Variants in FBXL4 observed in about 807,000 individuals in gnomAD.
FBXL4 encodes the protein F-box and leucine rich repeat protein 4.
Under a neutral mutation model 58.9 loss-of-function variants are expected in FBXL4, and 40 were observed. That is an observed-to-expected ratio of 0.68 (90% CI 0.53 to 0.88). The LOEUF is 0.88. Among genes scored for constraint, FBXL4 ranks in the 40% least tolerant of loss-of-function variants. The pLI, the probability that FBXL4 is intolerant of heterozygous loss-of-function variation, is 0.00. For synonymous variants in FBXL4, 263 were observed against 265.5 expected (o/e 0.99, Z 0.09); for missense variants, 676 against 734.4 (o/e 0.92, Z 0.92).
rs1293440464 is a variant in FBXL4, at chr6:98,874,271, T to A, written c.*7A>T. On this transcript the variant is annotated 3_prime_UTR_variant, in exon 10 of 10. Transcript: ENST00000369244. The stretch of plus-strand genomic sequence containing the variant: ...CACATTAATTTTAATACAGAACATA[T>A]ATTAAGTCACTGAGTAAAGCTCTTT... 6.4e-7 allele frequency: 1 copy of A among 1,574,084 alleles called. No homozygotes were observed. Among genetic ancestry groups the A allele is most frequent in the South Asian group, 1.2e-5 (1 of 83,100 alleles).
At chr6:98,918,951 AT>A (rs1376787788) in intron 4 of FBXL4, among the ~76,000 whole-genome samples, 20 of 151,928 alleles carry the variant, frequency 1.3e-4, no homozygotes, top group Non-Finnish European at 7.4e-5. Context: ...ATCATATGAG[AT>A]TTTTTTCCAC....
In FBXL4 at chr6:98,872,229, A is replaced by G. The variant is rs193056761; in HGVS notation, c.*2049T>C. 2 of 152,352 alleles carry G rather than the reference A, an allele frequency of 1.3e-5. No individual in the cohort carries two copies. The highest frequency in any genetic ancestry group is 3.9e-4 in the East Asian group (2 of 5,182). The allele number at this position is 152,352 out of a possible 1,614,324, so 9.4% of individuals were successfully genotyped here. ...CAAAATCAATTTAACAGTGCAATTG[A>G]GGAGCTTCTGCCTAGTCTTCAATTG... is the stretch of plus-strand genomic sequence containing the variant. On this transcript the variant is annotated 3_prime_UTR_variant, in exon 10 of 10. Coordinates refer to ENST00000369244, the MANE Select transcript of FBXL4 (RefSeq NM_001278716.2).
rs1423496272 is a variant in FBXL4, at chr6:98,927,742, CA to C, written c.-111del. 2 of 152,218 alleles carry C rather than the reference CA, an allele frequency of 1.3e-5. No individual in the cohort carries two copies. The highest frequency in any genetic ancestry group is 4.8e-5 in the African/African-American group (2 of 41,448). The allele number at this position is 152,218 out of a possible 1,614,324, so 9.4% of individuals were successfully genotyped here. ...GGTCACAGGATACACATGGGAAATG[CA>C]AAAGTTGGCATTCATCCAGGTACCC... On this transcript the variant is annotated 5_prime_UTR_variant, in exon 3 of 10. The change creates a premature stop within an existing upstream ORF in the 5' untranslated region. Coordinates refer to ENST00000369244, the MANE Select transcript of FBXL4 (RefSeq NM_001278716.2).
At chr6:98,937,572 A>C (rs1773268647) in intron 1 of FBXL4, among the ~76,000 whole-genome samples, 1 of 152,054 alleles carries the variant, frequency 6.6e-6, no homozygotes, top group Non-Finnish European at 1.5e-5. Context: ...AGAAGGGAGG[A>C]GGAAGAGGAG....
At chr6:98,893,627 T>C (rs1771308991) in intron 7 of FBXL4, among the ~76,000 whole-genome samples, 1 of 152,234 alleles carries the variant, frequency 6.6e-6, no homozygotes, top group East Asian at 1.9e-4. Context: ...AACACAAGTA[T>C]TTGAAAGTAC....
chr6:98,914,700 A>G (rs1306180912), intron 5 of FBXL4, among the ~76,000 whole-genome samples: 2 of 152,222 alleles, frequency 1.3e-5, no homozygotes, highest in African/African-American at 4.8e-5. Context: ...TGACAAACCC[A>G]CAGCCTATAT....
chr6:98,892,422 T>C (rs184004473), intron 7 of FBXL4, among the ~76,000 whole-genome samples: 2 of 152,216 alleles, frequency 1.3e-5, no homozygotes, highest in East Asian at 1.9e-4. Flanking sequence ...TTTGGTCTTA[T>C]AGTCTGACTT....
chr6:98,875,305 A>G, intron 9 of FBXL4, 110 bp downstream of exon 9: 1 of 968,572 alleles, frequency 1.0e-6, no homozygotes, highest in Non-Finnish European at 1.6e-6. Flanking sequence ...TTATCAGGAT[A>G]AAATTTTTAT....
At chr6:98,894,607 C>T (rs1019894203) in intron 7 of FBXL4, among the ~76,000 whole-genome samples, 1 of 152,124 alleles carries the variant, frequency 6.6e-6, no homozygotes. Context: ...TGTGACAATG[C>T]GAGCATATAT....
At chr6:98,935,897 AAAATTGGAGATAT>A (rs1773201321) in intron 1 of FBXL4, among the ~76,000 whole-genome samples, 1 of 152,218 alleles carries the variant, frequency 6.6e-6, no homozygotes, top group Admixed American at 6.5e-5. Flanking sequence ...TAAAATATTA[AAAATTGGAGATAT>A]CTGGCTGAGG....
chr6:98,885,375 C>T (rs1415321963), intron 7 of FBXL4, among the ~76,000 whole-genome samples: 15 of 152,152 alleles, frequency 9.9e-5, no homozygotes, highest in Admixed American at 4.6e-4. Flanking sequence ...GCTGAAATTA[C>T]AGGTGTGAGT....
chr6:98,940,848 T>C (rs917751015), intron 1 of FBXL4, among the ~76,000 whole-genome samples: 5 of 152,184 alleles, frequency 3.3e-5, no homozygotes, highest in African/African-American at 1.2e-4. Flanking sequence ...GAGTAAACCC[T>C]GAGAAAGTAT....
intron 7 of FBXL4, chr6:98,896,972 C>A: frequency 1.0e-6 from 1 of 985,202 alleles, no homozygotes; most frequent in Non-Finnish European, 1.2e-6. Flanking sequence ...ACACTTAGAT[C>A]ACATTACTAT....
chr6:98,885,850 GCTGTGGCTC>G (rs1771019228), intron 7 of FBXL4, among the ~76,000 whole-genome samples: 1 of 152,134 alleles, frequency 6.6e-6, no homozygotes, highest in African/African-American at 2.4e-5. Flanking sequence ...TTATAAAAAG[GCTGTGGCTC>G]CTGTCTTGGC....
Position 98,917,674 on chromosome 6 carries a change from G to C in FBXL4, c.558C>G (p.Ser186=), listed in dbSNP as rs766972168. Residue 186 remains serine, a synonymous_variant, in exon 5 of 10, where the codon TCC becomes TCG. Transcript: ENST00000369244. ...TACAAGGTTTAAACTGGCGAGCTTG[G>C]GAAGCATTCACCTTCGTAGGTCTCT... ...WSERPTKVNA[S]QARQFKPCIK... The C allele has an allele frequency of 1.2e-6, 2 of 1,612,954 alleles. No homozygotes were observed. The highest frequency in any genetic ancestry group is 1.7e-4 in the Middle Eastern group (1 of 6,052).
chr6:98,893,429 T>TTG (rs1358744446), intron 7 of FBXL4, among the ~76,000 whole-genome samples: 1 of 135,544 alleles, frequency 7.4e-6, no homozygotes, highest in Admixed American at 7.5e-5. Context: ...ATGGTCTTCC[T>TTG]TGTGTGTGTG....
chr6:98,906,954 C>T (rs147563017), intron 5 of FBXL4, among the ~76,000 whole-genome samples: 130 of 152,288 alleles, frequency 8.5e-4, no homozygotes, highest in African/African-American at 2.7e-3. Context: ...TGTTTGTTGG[C>T]TGCATAAATG....
At chr6:98,906,479 T>C (rs1205403910) in intron 5 of FBXL4, among the ~76,000 whole-genome samples, 8 of 152,160 alleles carry the variant, frequency 5.3e-5, no homozygotes, top group Non-Finnish European at 1.2e-4. Flanking sequence ...GCTTCATCCA[T>C]GTCCCTGCAA....
At chr6:98,907,149 G>C (rs972737776) in intron 5 of FBXL4, among the ~76,000 whole-genome samples, 2 of 151,924 alleles carry the variant, frequency 1.3e-5, no homozygotes, top group African/African-American at 2.4e-5. Context: ...TTTTTTGCTG[G>C]AACATTCAGC....
Sources: gnomAD v4.1 joint callset for allele counts (sites outside exome capture counted in the v4.1 genomes callset) on GRCh38, gnomAD v4.1.1 for gene constraint, MANE v1.5 for transcripts, NCBI Gene and HGNC (gene_info 2026-07-23, HGNC 2026-07-21) for gene names.